LHFPL6: variants seen among roughly 807,000 people sequenced by gnomAD.
LHFPL6 encodes the protein LHFPL tetraspan subfamily member 6 protein.
LHFPL6 carries 9 observed loss-of-function variants against 20.6 expected under a neutral mutation model. The observed-to-expected ratio is 0.44, with a 90% CI of 0.26 to 0.76. LHFPL6 has a LOEUF of 0.76. Ranked by LOEUF, LHFPL6 falls within the 30% of genes least tolerant of loss-of-function variation. The pLI is 0.20. For synonymous variants in LHFPL6, 105 were observed against 98.7 expected, an observed-to-expected ratio of 1.06 and a Z score of -0.38; for missense variants, 218 against 253.5, an observed-to-expected ratio of 0.86 and a Z score of 0.95.
chr13:39,579,971 T>C (rs1872230454), intron 2 of LHFPL6, among the ~76,000 whole-genome samples: 1 of 152,208 alleles, frequency 6.6e-6, no homozygotes, highest in Non-Finnish European at 1.5e-5. Flanking sequence ...AGCACAAAGC[T>C]GCAGCAGAAT....
At chr13:39,509,033 T>C (rs1267078069) in intron 2 of LHFPL6, among the ~76,000 whole-genome samples, 2 of 152,202 alleles carry the variant, frequency 1.3e-5, no homozygotes, top group African/African-American at 4.8e-5. Flanking sequence ...TTAACTTTAG[T>C]CATTCTAGTA....
Position 39,393,784 on chromosome 13 carries a change from T to C in LHFPL6, c.386-15258A>G, listed in dbSNP as rs954017058. 7.9e-5 allele frequency among the ~76,000 whole-genome samples: 12 copies of C among 152,294 alleles called. 1 individual carries two copies. The highest frequency in any genetic ancestry group is 2.9e-4 in the African/African-American group (12 of 41,566). On this transcript the variant is annotated intron_variant, in intron 2 of 3. Coordinates refer to ENST00000379589, the MANE Select transcript of LHFPL6 (RefSeq NM_005780.3). ...TTCATATATTTATTTATTCTCGTTC[T>C]AGAGACTCAGAAGGCCTAGATCAAG...
chr13:39,552,744 G>A (rs1055323364), intron 2 of LHFPL6, among the ~76,000 whole-genome samples: 8 of 152,242 alleles, frequency 5.3e-5, no homozygotes, highest in African/African-American at 1.7e-4. Context: ...TGAAAAAACA[G>A]CCCATGAAGC....
intron 2 of LHFPL6, among the ~76,000 whole-genome samples, chr13:39,382,980 T>C (rs1309915932): frequency 6.6e-6 from 1 of 152,198 alleles, no homozygotes; most frequent in African/African-American, 2.4e-5. Context: ...TCAGGCTAAT[T>C]GGCTATCACA....
chr13:39,379,096 A>C (rs1326806219), intron 2 of LHFPL6, among the ~76,000 whole-genome samples: 2 of 152,176 alleles, frequency 1.3e-5, no homozygotes, highest in Non-Finnish European at 2.9e-5. Context: ...CATCTCAGAA[A>C]GTCTCAGGAA....
chr13:39,495,338 T>C (rs1441489877), intron 2 of LHFPL6, among the ~76,000 whole-genome samples: 1 of 152,196 alleles, frequency 6.6e-6, no homozygotes, highest in Non-Finnish European at 1.5e-5. Flanking sequence ...CGCTGACCGG[T>C]TGATTTCATT....
At chr13:39,351,342 T>C (rs1031892918) in intron 3 of LHFPL6, among the ~76,000 whole-genome samples, 1 of 152,070 alleles carries the variant, frequency 6.6e-6, no homozygotes, top group Non-Finnish European at 1.5e-5. Flanking sequence ...ACTTTGAAGA[T>C]GCAGAAACTG....
intron 2 of LHFPL6, among the ~76,000 whole-genome samples, chr13:39,429,975 C>T (rs1029414444): frequency 1.3e-5 from 2 of 152,220 alleles, no homozygotes; most frequent in Non-Finnish European, 2.9e-5. Context: ...CTAACTACTC[C>T]TTCTCTGAGA....
intron 2 of LHFPL6, among the ~76,000 whole-genome samples, chr13:39,454,772 T>G (rs1404363905): frequency 6.6e-6 from 1 of 152,212 alleles, no homozygotes; most frequent in Non-Finnish European, 1.5e-5. Context: ...AGAGCTGCCT[T>G]TTGTGGATAG....
intron 2 of LHFPL6, among the ~76,000 whole-genome samples, chr13:39,383,996 G>A (rs1032781190): frequency 6.6e-6 from 1 of 152,072 alleles, no homozygotes; most frequent in Non-Finnish European, 1.5e-5. Context: ...CACTTTCTCA[G>A]ACCTCTTAGT....
intron 2 of LHFPL6, among the ~76,000 whole-genome samples, chr13:39,498,132 AT>A (rs1246016938): frequency 1.3e-5 from 2 of 152,144 alleles, no homozygotes; most frequent in East Asian, 3.8e-4. Context: ...TATCTCTTTA[AT>A]TTCCAAGTAT....
At chr13:39,387,306 T>G (rs1225760120) in intron 2 of LHFPL6, among the ~76,000 whole-genome samples, 1 of 152,054 alleles carries the variant, frequency 6.6e-6, no homozygotes. Context: ...CCCAGCACTT[T>G]GGGAGGCTGA....
At chr13:39,510,872 A>AT (rs71245386) in intron 2 of LHFPL6, among the ~76,000 whole-genome samples, 18,116 of 150,474 alleles carry the variant, frequency 0.12, 1,499 homozygotes, top group African/African-American at 0.23. Flanking sequence ...ATTACTTTAA[A>AT]TTTTTTTTTT....
At chr13:39,557,566 A>G (rs1172397033) in intron 2 of LHFPL6, among the ~76,000 whole-genome samples, 2 of 152,256 alleles carry the variant, frequency 1.3e-5, no homozygotes, top group African/African-American at 4.8e-5. Context: ...CACCTGCAGT[A>G]GATACGGTGG....
chr13:39,375,036 G>A (rs577552097), intron 3 of LHFPL6, among the ~76,000 whole-genome samples: 13 of 152,310 alleles, frequency 8.5e-5, no homozygotes, highest in African/African-American at 2.6e-4. Flanking sequence ...AAAACAGCAC[G>A]TCAACAAAGA....
intron 2 of LHFPL6, among the ~76,000 whole-genome samples, chr13:39,582,422 T>G (rs898030141): frequency 5.9e-5 from 9 of 151,984 alleles, no homozygotes; most frequent in Non-Finnish European, 1.0e-4. Context: ...GTAAGGCCAT[T>G]AAGGAAATCA....
chr13:39,475,434 T>A (rs945819271), intron 2 of LHFPL6, among the ~76,000 whole-genome samples: 3 of 152,116 alleles, frequency 2.0e-5, no homozygotes, highest in Non-Finnish European at 4.4e-5. Flanking sequence ...CCATCTTTTT[T>A]TTTTTGGAAG....
chr13:39,535,875 T>A lies in LHFPL6; in HGVS notation c.385+64957A>T, dbSNP rs1031989273. 2.6e-5 allele frequency among the ~76,000 whole-genome samples: 4 copies of A among 152,188 alleles called. No individual in the cohort carries two copies. In the South Asian group the frequency reaches 8.3e-4, roughly 31 times the overall value. ...ATCAAGCTCAGGACATAAATGAGCA[T>A]GGGGTCTGGCAGAGACCATTAGCAT... On this transcript the variant is annotated intron_variant, in intron 2 of 3. Transcript: ENST00000379589.
chr13:39,462,276 T>A (rs1245868896), intron 2 of LHFPL6, among the ~76,000 whole-genome samples: 2 of 152,196 alleles, frequency 1.3e-5, no homozygotes, highest in East Asian at 3.9e-4. Context: ...AGGATTTATT[T>A]ATCAAAATGT....
Sources: allele counts gnomAD v4.1 joint callset (sites outside exome capture counted in the v4.1 genomes callset), GRCh38; gene constraint gnomAD v4.1.1; transcripts MANE v1.5; gene names NCBI Gene and HGNC (gene_info 2026-07-23, HGNC 2026-07-21).